Variants in LHFPL6 observed in about 807,000 individuals in gnomAD.
LHFPL6 encodes LHFPL tetraspan subfamily member 6, also known as LHFPL tetraspan subfamily member 6 protein.
Under a neutral mutation model 20.6 loss-of-function variants are expected in LHFPL6, and 9 were observed. The ratio of observed to expected loss-of-function variants is 0.44; its 90% CI spans 0.26 to 0.76. The LOEUF (loss-of-function observed/expected upper bound fraction) is 0.76. Ranked by LOEUF, LHFPL6 falls within the 30% of genes least tolerant of loss-of-function variation. LHFPL6 has a pLI of 0.20. For missense variants in LHFPL6, 218 were observed against 253.5 expected (o/e 0.86, Z 0.95); for synonymous variants, 105 against 98.7 (o/e 1.06, Z -0.38).
chr13:39,591,498 C>A (rs1020857449), intron 2 of LHFPL6, among the ~76,000 whole-genome samples: 23 of 152,284 alleles, frequency 1.5e-4, no homozygotes, highest in African/African-American at 5.5e-4. Context: ...TTCTGCAGCT[C>A]AAATCACATC....
chr13:39,403,630 C>T (rs1364852467), intron 2 of LHFPL6, among the ~76,000 whole-genome samples: 2 of 152,164 alleles, frequency 1.3e-5, no homozygotes, highest in East Asian at 3.9e-4. Flanking sequence ...CTATATCGAT[C>T]AAGAGCAGAA....
At chr13:39,429,615 A>G (rs989098055) in intron 2 of LHFPL6, among the ~76,000 whole-genome samples, 1 of 152,178 alleles carries the variant, frequency 6.6e-6, no homozygotes, top group African/African-American at 2.4e-5. Flanking sequence ...TTTCAATATC[A>G]ATATATTGAC....
intron 2 of LHFPL6, among the ~76,000 whole-genome samples, chr13:39,457,198 A>C (rs1391203707): frequency 6.6e-6 from 1 of 152,238 alleles, no homozygotes; most frequent in Non-Finnish European, 1.5e-5. Context: ...CAGTTAACAA[A>C]AATACAAGCA....
At chr13:39,397,751 A>G (rs1478699532) in intron 2 of LHFPL6, among the ~76,000 whole-genome samples, 2 of 152,210 alleles carry the variant, frequency 1.3e-5, no homozygotes, top group African/African-American at 4.8e-5. Context: ...TTTGGAAAGA[A>G]ACTTGTTCCG....
At chr13:39,366,456 C>A (rs955388758) in intron 3 of LHFPL6, among the ~76,000 whole-genome samples, 1 of 152,158 alleles carries the variant, frequency 6.6e-6, no homozygotes, top group African/African-American at 2.4e-5. Flanking sequence ...CCATGAGTAT[C>A]CAGTCCGGAA....
intron 2 of LHFPL6, among the ~76,000 whole-genome samples, chr13:39,495,112 A>C (rs752908198): frequency 6.6e-6 from 1 of 152,238 alleles, no homozygotes; most frequent in Non-Finnish European, 1.5e-5. Context: ...AAAACAAGCA[A>C]ACTTGATCAA....
chr13:39,433,118 G>T (rs563684529), intron 2 of LHFPL6, among the ~76,000 whole-genome samples: 7 of 152,274 alleles, frequency 4.6e-5, no homozygotes, highest in African/African-American at 1.7e-4. Context: ...GGAGAACTAA[G>T]CTGGCCAGCT....
At chr13:39,487,650 G>C (rs1239041009) in intron 2 of LHFPL6, among the ~76,000 whole-genome samples, 2 of 152,208 alleles carry the variant, frequency 1.3e-5, no homozygotes, top group African/African-American at 2.4e-5. Flanking sequence ...TTATGTCAGA[G>C]ACTTTGCACG....
At chr13:39,416,259 T>G (rs1871346161) in intron 2 of LHFPL6, among the ~76,000 whole-genome samples, 2 of 152,152 alleles carry the variant, frequency 1.3e-5, no homozygotes, top group African/African-American at 2.4e-5. Context: ...AGGGCTGATA[T>G]GTTTATCTGT....
chr13:39,371,362 G>A (rs150772490), intron 3 of LHFPL6, among the ~76,000 whole-genome samples: 62 of 152,280 alleles, frequency 4.1e-4, no homozygotes, highest in African/African-American at 1.3e-3. Context: ...AAATCAATTG[G>A]ATAACCTGAT....
intron 2 of LHFPL6, among the ~76,000 whole-genome samples, chr13:39,505,598 G>C (rs1444051756): frequency 1.3e-5 from 2 of 152,072 alleles, no homozygotes; most frequent in African/African-American, 4.8e-5. Context: ...CAATTCCTGA[G>C]AGGCTGATTT....
At chr13:39,351,523 G>T (rs1352707967) in intron 3 of LHFPL6, among the ~76,000 whole-genome samples, 1 of 151,460 alleles carries the variant, frequency 6.6e-6, no homozygotes, top group Non-Finnish European at 1.5e-5. Flanking sequence ...GCACTTATAT[G>T]CCCGAGAAAA....
chr13:39,512,839 T>C (rs1869773006), intron 2 of LHFPL6, among the ~76,000 whole-genome samples: 1 of 152,214 alleles, frequency 6.6e-6, no homozygotes, highest in Non-Finnish European at 1.5e-5. Context: ...AGAGAGTCTC[T>C]CTCTCTGCCA....
At chr13:39,588,352 A>G (rs1350445424) in intron 2 of LHFPL6, among the ~76,000 whole-genome samples, 8 of 152,196 alleles carry the variant, frequency 5.3e-5, no homozygotes, top group Non-Finnish European at 1.2e-4. Flanking sequence ...TTAACCACCA[A>G]TCCCCTGGAT....
intron 2 of LHFPL6, among the ~76,000 whole-genome samples, chr13:39,574,480 C>T (rs1311664258): frequency 2.2e-5 from 3 of 136,308 alleles, no homozygotes; most frequent in African/African-American, 8.3e-5. Flanking sequence ...AAGACTCCGT[C>T]TCAAAAAAAA....
chr13:39,484,560 A>G (rs1868650628), intron 2 of LHFPL6, among the ~76,000 whole-genome samples: 1 of 151,894 alleles, frequency 6.6e-6, no homozygotes, highest in African/African-American at 2.4e-5. Flanking sequence ...CTTTCTTTTT[A>G]TCTACCCTCC....
chr13:39,573,126 G>A (rs1256154833), intron 2 of LHFPL6, among the ~76,000 whole-genome samples: 1 of 152,054 alleles, frequency 6.6e-6, no homozygotes, highest in Non-Finnish European at 1.5e-5. Context: ...AAAATGTATG[G>A]TATAGGACTC....
chr13:39,493,364 A>G (rs1174361849), intron 2 of LHFPL6, among the ~76,000 whole-genome samples: 2 of 151,980 alleles, frequency 1.3e-5, no homozygotes, highest in Admixed American at 1.3e-4. Flanking sequence ...AGAATCCTCA[A>G]TGGGCACCAA....
At chr13:39,361,496 T>C (rs1869867993) in intron 3 of LHFPL6, among the ~76,000 whole-genome samples, 1 of 152,044 alleles carries the variant, frequency 6.6e-6, no homozygotes, top group Non-Finnish European at 1.5e-5. Flanking sequence ...TTTTCTATTT[T>C]TAGTAGAGAT....
Sources: allele counts gnomAD v4.1 joint callset (sites outside exome capture counted in the v4.1 genomes callset), GRCh38; gene constraint gnomAD v4.1.1; transcripts MANE v1.5; gene names NCBI Gene and HGNC (gene_info 2026-07-23, HGNC 2026-07-21).